PODXL2: variants seen among roughly 807,000 people sequenced by gnomAD.
The protein encoded by PODXL2 is podocalyxin-like protein 2.
PODXL2 carries 17 observed loss-of-function variants against 53.4 expected under a neutral mutation model. The ratio of observed to expected loss-of-function variants is 0.32; its 90% CI spans 0.22 to 0.48. PODXL2 has a LOEUF of 0.48. Among genes scored for constraint, PODXL2 ranks in the 20% least tolerant of loss-of-function variants. The pLI is 0.99. For synonymous variants in PODXL2, 311 were observed against 306.7 expected (o/e 1.01, Z -0.15); for missense variants, 673 against 760.0 (o/e 0.89, Z 1.35).
At chr3:127,642,462 T>C (rs1036085766) in intron 2 of PODXL2, among the ~76,000 whole-genome samples, 1 of 152,108 alleles carries the variant, frequency 6.6e-6, no homozygotes, top group African/African-American at 2.4e-5. Flanking sequence ...GCTAAGGATC[T>C]GTGGCTAGCA....
rs138695934 is a variant in PODXL2 at position 127,662,332 on chromosome 3, C to T, written c.1206+21C>T. On this transcript the variant is annotated intron_variant, in intron 4 of 7. Transcript: ENST00000342480. ...ACTGTGTGAGTGCCCAGCCAGGCTCCGAACCGCAGGGAAAGGCTGCAGGCA... is the reference window on the plus strand; with the variant it reads ...ACTGTGTGAGTGCCCAGCCAGGCTCTGAACCGCAGGGAAAGGCTGCAGGCA... The T allele has an allele frequency of 6.5e-3, 10,494 of 1,602,234 alleles. 53 individuals carry two copies. Among genetic ancestry groups the T allele is most frequent in the Non-Finnish European group, 8.2e-3 (9,618 of 1,171,668 alleles).
chr3:127,666,592 T>C (rs1052183491), intron 4 of PODXL2, among the ~76,000 whole-genome samples: 2 of 152,134 alleles, frequency 1.3e-5, no homozygotes, highest in Non-Finnish European at 2.9e-5. Context: ...GCATTTTTTG[T>C]AGAGACGGAG....
Position 127,639,328 on chromosome 3 carries a change from C to A in PODXL2, c.154C>A (p.Leu52Met). 6.2e-7 allele frequency: 1 copy of A among 1,614,132 alleles called. No homozygotes were observed. The highest frequency in any genetic ancestry group is 8.5e-7 in the Non-Finnish European group (1 of 1,180,020). The change falls in exon 2 of 8, where the codon CTG becomes ATG. Residue 52 changes from leucine (L) to methionine (M), a missense_variant. This residue lies in a region of PODXL2 where 588 missense variants were observed against 668.3 expected (regional missense o/e 0.88). Coordinates refer to ENST00000342480, the MANE Select transcript of PODXL2 (RefSeq NM_015720.4). ...CTCCACCTCCCTGCTAGACCTCCTGCTGCCCACTGGCTTGGAGCCACTGGA... is the reference window on the plus strand; with the variant it reads ...CTCCACCTCCCTGCTAGACCTCCTGATGCCCACTGGCTTGGAGCCACTGGA... ...LTSTSLLDLLLPTGLEPLDSE... is the reference protein window; with the variant it reads ...LTSTSLLDLLMPTGLEPLDSE...
intron 2 of PODXL2, among the ~76,000 whole-genome samples, chr3:127,645,894 G>A (rs2074654911): frequency 6.6e-6 from 1 of 152,174 alleles, no homozygotes; most frequent in Admixed American, 6.5e-5. Context: ...ATCACCTCTT[G>A]GGGGTTGGAG....
chr3:127,637,675 T>C (rs899804437), intron 1 of PODXL2, among the ~76,000 whole-genome samples: 1 of 152,232 alleles, frequency 6.6e-6, no homozygotes, highest in Non-Finnish European at 1.5e-5. Flanking sequence ...TTCCTGTCTC[T>C]GACCTCAGGG....
chr3:127,664,331 CT>C lies in PODXL2; in HGVS notation c.1206+2033del, dbSNP rs575540265. ...ATTTGGTAGCATGTGGCAGAAATTT[CT>C]TTTTTTTTTTTTAAGGCTGAAAAAT... On this transcript the variant is annotated intron_variant, in intron 4 of 7. Transcript: ENST00000342480. 5.5e-3 allele frequency among the ~76,000 whole-genome samples: 778 copies of C among 141,506 alleles called. 6 individuals carry two copies. Among genetic ancestry groups the C allele is most frequent in the South Asian group, 0.021 (93 of 4,420 alleles). The allele number at this position is 141,506 out of a possible 152,430, so 92.8% of individuals were successfully genotyped here. A position where few individuals can be genotyped will look rare whatever the true frequency, so the allele number is the denominator to read the frequency against.
chr3:127,639,823 G>A (rs1424838744), intron 2 of PODXL2, among the ~76,000 whole-genome samples: 1 of 152,212 alleles, frequency 6.6e-6, no homozygotes, highest in Admixed American at 6.5e-5. Context: ...TTGTAGACAA[G>A]AAAACACTGA....
chr3:127,647,161 G>A (rs778525294), intron 2 of PODXL2, among the ~76,000 whole-genome samples: 13 of 152,146 alleles, frequency 8.5e-5, no homozygotes, highest in Non-Finnish European at 1.8e-4. Context: ...GGGAATAATA[G>A]ATTGAAGTCT....
chr3:127,642,471 C>T (rs2107705726), intron 2 of PODXL2, among the ~76,000 whole-genome samples: 1 of 152,062 alleles, frequency 6.6e-6, no homozygotes, highest in African/African-American at 2.4e-5. Flanking sequence ...CTGTGGCTAG[C>T]AACAGCTGAG....
chr3:127,644,121 T>C (rs1182487498), intron 2 of PODXL2, among the ~76,000 whole-genome samples: 1 of 152,278 alleles, frequency 6.6e-6, no homozygotes, highest in East Asian at 1.9e-4. Flanking sequence ...TTGTTGCTGT[T>C]GTTGTTTTGA....
Position 127,650,713 on chromosome 3 carries a change from G to A in PODXL2, c.350-9665G>A, listed in dbSNP as rs185261779. On this transcript the variant is annotated intron_variant, in intron 2 of 7. Transcript: ENST00000342480. ...GCTCTGTCGCCCAGGCTGGAGTGCAGTGGTGCGATCTCGGCTCACTGCAAG... is the reference window on the plus strand; with the variant it reads ...GCTCTGTCGCCCAGGCTGGAGTGCAATGGTGCGATCTCGGCTCACTGCAAG... Among the ~76,000 whole-genome samples the A allele has an allele frequency of 2.3e-3, 343 of 152,206 alleles. 2 individuals carry two copies. Among genetic ancestry groups the A allele is most frequent in the African/African-American group, 7.9e-3 (329 of 41,546 alleles).
chr3:127,650,831 TTGTA>T (rs1325936458), intron 2 of PODXL2, among the ~76,000 whole-genome samples: 1 of 152,082 alleles, frequency 6.6e-6, no homozygotes, highest in Non-Finnish European at 1.5e-5. Flanking sequence ...TAATTTTTTT[TTGTA>T]TTTTTAGTAG....
At chr3:127,648,972 A>G (rs950101477) in intron 2 of PODXL2, among the ~76,000 whole-genome samples, 1 of 151,662 alleles carries the variant, frequency 6.6e-6, no homozygotes, top group East Asian at 1.9e-4. Context: ...TTGTATTTTC[A>G]GTAGAGACGG....
chr3:127,668,336 A>G (rs2074808354), intron 4 of PODXL2, 105 bp from the exon 5 acceptor site: 4 of 1,065,466 alleles, frequency 3.8e-6, no homozygotes, highest in Non-Finnish European at 5.0e-6. Context: ...CTCTCTTGGA[A>G]CAGCCAGAGG....
chr3:127,650,210 C>T (rs1463638614), intron 2 of PODXL2, among the ~76,000 whole-genome samples: 1 of 152,154 alleles, frequency 6.6e-6, no homozygotes, highest in Non-Finnish European at 1.5e-5. Context: ...TGCTGAAGTT[C>T]ATCCCTGGGA....
chr3:127,663,057 C>T (rs1406499923), intron 4 of PODXL2, among the ~76,000 whole-genome samples: 1 of 152,196 alleles, frequency 6.6e-6, no homozygotes, highest in African/African-American at 2.4e-5. Flanking sequence ...GTGTCTGATG[C>T]TCTCTAGGTC....
At chr3:127,636,466 G>A (rs1423888005) in intron 1 of PODXL2, among the ~76,000 whole-genome samples, 1 of 152,234 alleles carries the variant, frequency 6.6e-6, no homozygotes, top group African/African-American at 2.4e-5. Context: ...GGAACTTCAA[G>A]GGGAGTGGAC....
intron 6 of PODXL2, among the ~76,000 whole-genome samples, chr3:127,669,404 G>C (rs985113256): frequency 6.7e-6 from 1 of 148,514 alleles, no homozygotes; most frequent in African/African-American, 2.5e-5. Context: ...ACCAACCAAA[G>C]GTCCAATGCA....
At position 127,639,419 on chromosome 3, in the gene PODXL2, C is replaced by T; in HGVS notation, c.245C>T (p.Pro82Leu). 3 of 1,614,246 alleles carry T rather than the reference C, an allele frequency of 1.9e-6. No homozygotes were observed. Among genetic ancestry groups the T allele is most frequent in the Non-Finnish European group, 2.5e-6 (3 of 1,180,026 alleles). Residue 82 changes from proline (P) to leucine (L), a missense_variant, in exon 2 of 8, where the codon CCC (proline) becomes CTC (leucine). Physicochemically the swap from Pro to Leu is moderately conservative, Grantham distance 98. This residue lies in a region of PODXL2 where 588 missense variants were observed against 668.3 expected (regional missense o/e 0.88). Coordinates refer to ENST00000342480, the MANE Select transcript of PODXL2 (RefSeq NM_015720.4). ...CTGGGAGCCCCTGGCTCAGGCTTCC[C>T]CAGCGAAGAGAATGAAGAGTCTCGG... ...AGLGAPGSGF[P>L]SEENEESRIL...
Sources: allele counts gnomAD v4.1 joint callset (sites outside exome capture counted in the v4.1 genomes callset), GRCh38; gene constraint gnomAD v4.1.1; regional missense constraint gnomAD v4.1.1; transcripts MANE v1.5; gene names NCBI Gene and HGNC (gene_info 2026-07-23, HGNC 2026-07-21).